The following CNTN1 variants were observed in gnomAD, a reference collection of about 807,000 sequenced individuals.
CNTN1 encodes contactin-1.
In CNTN1, 38 loss-of-function variants were observed where a neutral mutation model predicts 126.4. That is an observed-to-expected ratio of 0.30 (90% CI 0.23 to 0.39). The LOEUF is 0.39. Among genes scored for constraint, CNTN1 ranks in the 10% least tolerant of loss-of-function variants. The pLI is 1.00. For missense variants in CNTN1, 1,009 were observed against 1,248.4 expected (o/e 0.81, Z 2.89); for synonymous variants, 413 against 422.6 (o/e 0.98, Z 0.28).
intron 1 of CNTN1, among the ~76,000 whole-genome samples, chr12:40,823,870 A>G (rs1384247706): frequency 1.3e-4 from 20 of 152,120 alleles, no homozygotes; most frequent in Admixed American, 1.3e-3. Context: ...TTTTCTCATT[A>G]TCTCACCATA....
chr12:40,943,771 A>G (rs1946342401), intron 13 of CNTN1, 47 bp downstream of exon 13: 4 of 1,598,982 alleles, frequency 2.5e-6, no homozygotes, highest in East Asian at 2.2e-5. Context: ...ATTAAAAAAC[A>G]TGATTCAGCA....
chr12:40,984,470 A>T (rs1947904154), intron 16 of CNTN1, among the ~76,000 whole-genome samples: 1 of 152,210 alleles, frequency 6.6e-6, no homozygotes, highest in African/African-American at 2.4e-5. Flanking sequence ...TGGTGAAAGC[A>T]AATTGGCTTG....
intron 1 of CNTN1, among the ~76,000 whole-genome samples, chr12:40,707,888 G>A (rs1465721995): frequency 6.6e-6 from 1 of 152,136 alleles, no homozygotes; most frequent in Non-Finnish European, 1.5e-5. Flanking sequence ...GCTGCAAAAT[G>A]AAGCATAATT....
At position 40,936,880 on chromosome 12, in the gene CNTN1, T is replaced by C; in HGVS notation, c.1085T>C (p.Ile362Thr). The C allele has an allele frequency of 6.2e-7, 1 of 1,613,120 alleles. No individual in the cohort carries two copies. Among genetic ancestry groups the C allele is most frequent in the Non-Finnish European group, 8.5e-7 (1 of 1,179,330 alleles). ...GCCACAGGAAAGCCCATCCCTACAA[T>C]CCGATGGTTGAAAAATGGATATGCG... is the stretch of plus-strand genomic sequence containing the variant. ...CVATGKPIPT[I>T]RWLKNGYAYH... The change falls in exon 10 of 24, where the codon ATC (isoleucine) becomes ACC (threonine). Residue 362 changes from isoleucine (I) to threonine (T), a missense_variant. Physicochemically the swap from Ile to Thr is moderately conservative, Grantham distance 89. Transcript: ENST00000551295.
chr12:40,978,836 C>G (rs1353291293), intron 15 of CNTN1: 1 of 152,068 alleles, frequency 6.6e-6, no homozygotes, highest in Admixed American at 6.6e-5. Context: ...CTTAAATTCC[C>G]TTTAACGTTT....
intron 1 of CNTN1, among the ~76,000 whole-genome samples, chr12:40,886,734 T>C (rs1279122674): frequency 1.3e-5 from 2 of 152,160 alleles, no homozygotes; most frequent in Non-Finnish European, 2.9e-5. Flanking sequence ...CATCTTGAAT[T>C]AATTTTTGTA....
At chr12:40,939,291 T>C in intron 11 of CNTN1, 44 bp from the exon 12 acceptor site, 2 of 1,604,472 alleles carry the variant, frequency 1.2e-6, no homozygotes, top group South Asian at 1.1e-5. Context: ...ATGTTTAGGC[T>C]TTACAAACAG....
At chr12:40,786,106 A>C (rs1940008533) in intron 1 of CNTN1, among the ~76,000 whole-genome samples, 1 of 152,198 alleles carries the variant, frequency 6.6e-6, no homozygotes, top group Admixed American at 6.5e-5. Context: ...CCAGACTAAA[A>C]TCGAGGTATT....
chr12:40,787,525 T>C (rs931294891), intron 1 of CNTN1, among the ~76,000 whole-genome samples: 1 of 152,152 alleles, frequency 6.6e-6, no homozygotes, highest in Non-Finnish European at 1.5e-5. Context: ...AATTATAGAA[T>C]AGATGTTCAA....
intron 1 of CNTN1, among the ~76,000 whole-genome samples, chr12:40,875,055 T>A (rs1372600043): frequency 6.6e-6 from 1 of 152,176 alleles, no homozygotes; most frequent in South Asian, 2.1e-4. Flanking sequence ...GCTCTAGGAC[T>A]AGTTCTCCAT....
chr12:41,059,274 A>C (rs187144939), intron 23 of CNTN1, among the ~76,000 whole-genome samples: 59 of 152,324 alleles, frequency 3.9e-4, no homozygotes, highest in African/African-American at 1.4e-3. Flanking sequence ...CCTCAAAGCC[A>C]AAGATGACTG....
intron 1 of CNTN1, among the ~76,000 whole-genome samples, chr12:40,708,006 CTAGA>C (rs1486015135): frequency 2.0e-5 from 3 of 152,044 alleles, no homozygotes; most frequent in South Asian, 2.1e-4. Flanking sequence ...CTTTTTAGTC[CTAGA>C]TACTTTTCTC....
intron 1 of CNTN1, among the ~76,000 whole-genome samples, chr12:40,717,258 C>T (rs1230546349): frequency 6.6e-6 from 1 of 152,042 alleles, no homozygotes; most frequent in Non-Finnish European, 1.5e-5. Flanking sequence ...CACAGTTGAA[C>T]CTCTGTATAG....
chr12:41,023,134 C>A (rs572975023), intron 20 of CNTN1, among the ~76,000 whole-genome samples: 1 of 152,128 alleles, frequency 6.6e-6, no homozygotes, highest in Non-Finnish European at 1.5e-5. Context: ...AACCAATACC[C>A]CAATGCACTT....
At chr12:40,924,467 T>G in intron 5 of CNTN1, 90 bp from the exon 6 acceptor site, 8 of 741,116 alleles carry the variant, frequency 1.1e-5, no homozygotes, top group Non-Finnish European at 1.2e-5. Flanking sequence ...ATCTCACGAA[T>G]GAGTTATTTG....
chr12:40,901,288 A>G (rs757695380), intron 1 of CNTN1, among the ~76,000 whole-genome samples: 16 of 152,196 alleles, frequency 1.1e-4, no homozygotes, highest in Non-Finnish European at 2.4e-4. Flanking sequence ...TAGATCATAA[A>G]AAGGATTTTT....
chr12:40,882,048 G>A (rs551953767), intron 1 of CNTN1, among the ~76,000 whole-genome samples: 111 of 151,644 alleles, frequency 7.3e-4, no homozygotes, highest in Non-Finnish European at 1.3e-3. Flanking sequence ...TAGGAGGATG[G>A]GGGCTTTAAT....
chr12:40,797,527 G>A (rs1317742920), intron 1 of CNTN1, among the ~76,000 whole-genome samples: 1 of 152,004 alleles, frequency 6.6e-6, no homozygotes, highest in African/African-American at 2.4e-5. Context: ...TGAGGCTAGT[G>A]ATGATACAGG....
intron 1 of CNTN1, among the ~76,000 whole-genome samples, chr12:40,795,335 T>G (rs77418962): frequency 0.064 from 8,701 of 136,542 alleles, 346 homozygotes; most frequent in Admixed American, 0.09. Context: ...TTTTTTTTTT[T>G]GAAACAAAGT....
Sources: gnomAD v4.1 joint callset for allele counts (sites outside exome capture counted in the v4.1 genomes callset) on GRCh38, gnomAD v4.1.1 for gene constraint, MANE v1.5 for transcripts, NCBI Gene and HGNC (gene_info 2026-07-23, HGNC 2026-07-21) for gene names.